CFAP61: variants seen among roughly 807,000 people sequenced by gnomAD.
CFAP61 encodes the protein cilia- and flagella-associated protein 61.
In CFAP61, 107 loss-of-function variants were observed where a neutral mutation model predicts 135.6. The observed-to-expected ratio is 0.79, with a 90% confidence interval of 0.67 to 0.93. The LOEUF is 0.93. CFAP61 is among the 40% of genes least tolerant of loss of function. The pLI is 0.00. For synonymous variants in CFAP61, 575 were observed against 578.5 expected, an observed-to-expected ratio of 0.99 and a Z score of 0.09; for missense variants, 1,507 against 1,556.2, an observed-to-expected ratio of 0.97 and a Z score of 0.53.
chr20:20,090,833 C>G lies in CFAP61; in HGVS notation c.567-11C>G, dbSNP rs762726202. 5 of 1,613,414 alleles carry G rather than the reference C, an allele frequency of 3.1e-6. No homozygotes were observed. The East Asian group carries it at 1.1e-4, about 36-fold the overall frequency. On this transcript the variant is annotated splice_polypyrimidine_tract_variant and intron_variant, in intron 6 of 26. Transcript: ENST00000245957. ...GAACGAACACTGAACTTCAGCCTTT[C>G]TATTAAACAGGGTGGAAGACCATGA...
At chr20:20,347,907 TG>T (rs2058690140) in intron 26 of CFAP61, among the ~76,000 whole-genome samples, 1 of 127,214 alleles carries the variant, frequency 7.9e-6, no homozygotes, top group South Asian at 2.4e-4. Flanking sequence ...CACTCCAGCC[TG>T]GGCCACAGAG....
intron 6 of CFAP61, among the ~76,000 whole-genome samples, chr20:20,077,032 C>T (rs968608555): frequency 1.3e-5 from 2 of 152,100 alleles, no homozygotes; most frequent in African/African-American, 4.8e-5. Flanking sequence ...GACAAAGGGG[C>T]TTAGAGTTAA....
At chr20:20,212,113 C>T (rs773842278) in intron 17 of CFAP61, among the ~76,000 whole-genome samples, 5 of 152,174 alleles carry the variant, frequency 3.3e-5, no homozygotes, top group Admixed American at 6.5e-5. Context: ...CTTTGGTCAC[C>T]GTGTGTTGGT....
chr20:20,321,656 C>G (rs1259138651), intron 25 of CFAP61, among the ~76,000 whole-genome samples: 1 of 152,190 alleles, frequency 6.6e-6, no homozygotes, highest in Non-Finnish European at 1.5e-5. Flanking sequence ...CTGCTTCCCC[C>G]ACAGCTCCCA....
intron 1 of CFAP61, chr20:20,055,818 T>G (rs2044279133): frequency 8.6e-6 from 6 of 693,816 alleles, no homozygotes; most frequent in Non-Finnish European, 5.0e-6. Flanking sequence ...GTTTTCCCTG[T>G]TTTGAGCTCA....
intron 6 of CFAP61, among the ~76,000 whole-genome samples, chr20:20,075,876 C>A (rs2046014230): frequency 6.6e-6 from 1 of 152,054 alleles, no homozygotes; most frequent in Non-Finnish European, 1.5e-5. Context: ...ACACACAATC[C>A]TAGGTCCCAC....
At chr20:20,295,427 C>T (rs535755042) in intron 24 of CFAP61, among the ~76,000 whole-genome samples, 1 of 152,254 alleles carries the variant, frequency 6.6e-6, no homozygotes, top group South Asian at 2.1e-4. Context: ...GTGGTGCGTC[C>T]TCTCCCAGAC....
Position 20,067,776 on chromosome 20 carries a change from T to TTA in CFAP61, c.144-3063_144-3062dup, listed in dbSNP as rs555922306. Among the ~76,000 whole-genome samples the TTA allele has an allele frequency of 8.9e-3, 590 of 65,964 alleles. 4 individuals are homozygous for TTA. Among genetic ancestry groups the TTA allele is most frequent in the African/African-American group, 0.013 (383 of 29,970 alleles). The allele number at this position is 65,964 out of a possible 152,430, so 43.3% of individuals were successfully genotyped here. ...ATTTATATTATTATATATGTATTTA[T>TTA]TATATATATATATATACCTACCTTC... is the stretch of plus-strand genomic sequence containing the variant. On this transcript the variant is annotated intron_variant, in intron 2 of 26. Transcript: ENST00000245957.
intron 13 of CFAP61, among the ~76,000 whole-genome samples, chr20:20,171,534 A>G (rs887533386): frequency 6.6e-6 from 1 of 152,216 alleles, no homozygotes; most frequent in African/African-American, 2.4e-5. Context: ...AGCAGAAACC[A>G]TGACTTCATA....
intron 24 of CFAP61, among the ~76,000 whole-genome samples, chr20:20,297,407 A>C (rs918596296): frequency 2.0e-5 from 3 of 152,186 alleles, no homozygotes; most frequent in Non-Finnish European, 4.4e-5. Context: ...GTGAAGGTTC[A>C]GTCACCCCCC....
chr20:20,220,095 A>C (rs1398371163), intron 17 of CFAP61: 2 of 152,440 alleles, frequency 1.3e-5, no homozygotes, highest in Non-Finnish European at 2.9e-5. Context: ...ATGTCATTAG[A>C]GGGTTGGAAC....
intron 13 of CFAP61, among the ~76,000 whole-genome samples, chr20:20,182,823 G>A (rs2055203376): frequency 1.3e-5 from 2 of 152,146 alleles, no homozygotes. Flanking sequence ...TGCTTTATTA[G>A]GCAAAACCAC....
rs2054776169 is a variant in CFAP61, at chr20:20,288,706, C to T, written c.2894C>T (p.Thr965Ile). 6.2e-7 allele frequency: 1 copy of T among 1,614,020 alleles called. No homozygotes were observed. The highest frequency in any genetic ancestry group is 8.5e-7 in the Non-Finnish European group (1 of 1,179,862). The change falls in exon 23 of 27, where the codon ACC becomes ATC. Residue 965 changes from threonine to isoleucine, a missense_variant. Transcript: ENST00000245957. Reference sequence around the variant, plus strand: ...TATGACAGTCGACTTGTGATTGATACCAACTTCCACACCAACGACATAGCC... The same window carrying T: ...TATGACAGTCGACTTGTGATTGATATCAACTTCCACACCAACGACATAGCC... ...LVYDSRLVID[T>I]NFHTNDIAIR...
At chr20:20,220,429 A>T (rs1240913416) in intron 17 of CFAP61, among the ~76,000 whole-genome samples, 1 of 152,190 alleles carries the variant, frequency 6.6e-6, no homozygotes, top group Non-Finnish European at 1.5e-5. Flanking sequence ...CTAGCAAATT[A>T]TCGAACCTAA....
chr20:20,212,362 C>T (rs1569138660), intron 17 of CFAP61, among the ~76,000 whole-genome samples: 1 of 152,174 alleles, frequency 6.6e-6, no homozygotes, highest in Admixed American at 6.5e-5. Flanking sequence ...ACAGAGTACA[C>T]ACAATCCTCA....
chr20:20,181,624 A>G (rs2055106249), intron 13 of CFAP61, among the ~76,000 whole-genome samples: 1 of 152,108 alleles, frequency 6.6e-6, no homozygotes, highest in Non-Finnish European at 1.5e-5. Flanking sequence ...AGAAAGCATA[A>G]GAGAGAGGTG....
intron 25 of CFAP61, among the ~76,000 whole-genome samples, chr20:20,330,804 T>C (rs1271041017): frequency 6.6e-6 from 1 of 152,144 alleles, no homozygotes; most frequent in African/African-American, 2.4e-5. Context: ...TCTAAAAAAA[T>C]GGGGCTCTGA....
intron 17 of CFAP61, among the ~76,000 whole-genome samples, chr20:20,218,249 G>C (rs569295602): frequency 6.6e-6 from 1 of 152,272 alleles, no homozygotes; most frequent in Non-Finnish European, 1.5e-5. Flanking sequence ...GGTCTTTCCT[G>C]TGCTATTCTC....
chr20:20,180,115 A>G (rs1029385900), intron 13 of CFAP61, among the ~76,000 whole-genome samples: 3 of 152,220 alleles, frequency 2.0e-5, no homozygotes, highest in African/African-American at 4.8e-5. Context: ...TTTGCAAACT[A>G]TGCATCTGAC....
Sources: allele counts gnomAD v4.1 joint callset (sites outside exome capture counted in the v4.1 genomes callset), GRCh38; gene constraint gnomAD v4.1.1; transcripts MANE v1.5; gene names NCBI Gene and HGNC (gene_info 2026-07-23, HGNC 2026-07-21).